Variants in CFAP251 observed in about 807,000 individuals in gnomAD.
CFAP251 encodes the protein cilia and flagella associated protein 251.
In CFAP251, 93 loss-of-function variants were observed where a neutral mutation model predicts 126.7. The observed-to-expected ratio is 0.73, with a 90% confidence interval of 0.62 to 0.87. The LOEUF is 0.87. Ranked by LOEUF, CFAP251 falls within the 40% of genes least tolerant of loss-of-function variation. The pLI, the probability that CFAP251 is intolerant of heterozygous loss-of-function variation, is 0.00. For synonymous variants in CFAP251, 503 were observed against 506.9 expected, an observed-to-expected ratio of 0.99 and a Z score of 0.10; for missense variants, 1,287 against 1,389.2, an observed-to-expected ratio of 0.93 and a Z score of 1.17.
intron 7 of CFAP251, among the ~76,000 whole-genome samples, chr12:121,944,109 T>C (rs1881229370): frequency 6.6e-6 from 1 of 152,220 alleles, no homozygotes; most frequent in South Asian, 2.1e-4. Flanking sequence ...CACTGCTCCC[T>C]GCTTTTGTGA....
At chr12:121,928,840 G>C (rs920608146) in intron 3 of CFAP251, among the ~76,000 whole-genome samples, 1 of 151,448 alleles carries the variant, frequency 6.6e-6, no homozygotes, top group African/African-American at 2.4e-5. Flanking sequence ...GGGATTACAG[G>C]TGCACACCAC....
At chr12:121,965,065 C>T (rs542224302) in intron 15 of CFAP251, among the ~76,000 whole-genome samples, 2 of 152,194 alleles carry the variant, frequency 1.3e-5, no homozygotes, top group Admixed American at 6.5e-5. Context: ...AAGAAAGCCT[C>T]ATAACCATGG....
intron 17 of CFAP251, chr12:121,969,194 A>G (rs900047080): frequency 7.1e-5 from 70 of 985,210 alleles, no homozygotes; most frequent in Non-Finnish European, 7.2e-5. Context: ...CTTTCTTTTT[A>G]TGGCAGATAT....
chr12:121,949,104 T>C (rs764624765), intron 8 of CFAP251, 43 bp downstream of exon 8: 2 of 1,297,938 alleles, frequency 1.5e-6, no homozygotes, highest in African/African-American at 3.0e-5. Context: ...TGGGTAGAAG[T>C]ATGTGTTCAT....
rs1343484866 is a variant in CFAP251, at chr12:121,982,025, C to A, written c.3006+6340C>A. ...ATATTTTTGTCTTTGTCATGATATCCCCATCTGTGGATCCGTGATTCCAGA... is the reference window on the plus strand; with the variant it reads ...ATATTTTTGTCTTTGTCATGATATCACCATCTGTGGATCCGTGATTCCAGA... On this transcript the variant is annotated intron_variant, in intron 19 of 21. Coordinates refer to ENST00000288912, the MANE Select transcript of CFAP251 (RefSeq NM_144668.6). Among the ~76,000 whole-genome samples, 3 of 152,158 alleles carry A rather than the reference C, an allele frequency of 2.0e-5. No homozygotes were observed. The East Asian group carries it at 5.8e-4, about 29-fold the overall frequency.
rs1880653389 is a variant in CFAP251 at position 121,930,788 on chromosome 12, A to G, written c.748-958A>G. Reference sequence around the variant, plus strand: ...TTTTGAGATGGAGTATCACTCTGTCATCCAGGCTGGAGTGCAGTGGCACGA... The same window carrying G: ...TTTTGAGATGGAGTATCACTCTGTCGTCCAGGCTGGAGTGCAGTGGCACGA... On this transcript the variant is annotated intron_variant, in intron 3 of 21. Transcript: ENST00000288912. Among the ~76,000 whole-genome samples the G allele has an allele frequency of 3.6e-5, 5 of 138,740 alleles. No homozygotes were observed. The Admixed American group carries it at 4.0e-4, about 11-fold the overall frequency. 91.0% of individuals were successfully genotyped at this position (138,740 alleles called of 152,430 possible).
intron 19 of CFAP251, among the ~76,000 whole-genome samples, chr12:121,994,029 G>A (rs1410232532): frequency 1.0e-5 from 1 of 97,938 alleles, no homozygotes; most frequent in Non-Finnish European, 2.4e-5. Context: ...GGTGGGGGGG[G>A]GGTCAGCCCC....
chr12:121,954,068 C>T, intron 9 of CFAP251, 52 bp from the exon 10 acceptor site: 1 of 1,460,930 alleles, frequency 6.8e-7, no homozygotes, highest in Non-Finnish European at 9.5e-7. Context: ...TTGATAAATG[C>T]TTTGTTTTAT....
chr12:121,969,989 A>G (rs999734802), intron 17 of CFAP251: 1 of 981,570 alleles, frequency 1.0e-6, no homozygotes, highest in African/African-American at 1.7e-5. Context: ...GTGACTTAAT[A>G]TGATCAGCAC....
At chr12:121,939,520 A>T (rs1881027569) in intron 5 of CFAP251, among the ~76,000 whole-genome samples, 1 of 151,904 alleles carries the variant, frequency 6.6e-6, no homozygotes, top group South Asian at 2.1e-4. Context: ...CTGCCCCGTT[A>T]TGATGTGGAG....
chr12:121,963,947 A>G (rs1882035453), intron 15 of CFAP251, among the ~76,000 whole-genome samples: 1 of 151,944 alleles, frequency 6.6e-6, no homozygotes, highest in Non-Finnish European at 1.5e-5. Context: ...TATGGCTGGA[A>G]AGAAGGATGG....
chr12:121,940,657 A>G (rs1050757940), intron 5 of CFAP251, among the ~76,000 whole-genome samples: 9 of 152,112 alleles, frequency 5.9e-5, no homozygotes, highest in African/African-American at 1.7e-4. Context: ...TACAGCTTCC[A>G]TCTTCGCTTC....
chr12:121,926,918 T>C (rs114421832), intron 3 of CFAP251, among the ~76,000 whole-genome samples: 5,539 of 152,270 alleles, frequency 0.036, 322 homozygotes, highest in African/African-American at 0.13. Flanking sequence ...CACTTCAGCC[T>C]GGGTAATAGA....
At chr12:121,964,946 A>G (rs184608509) in intron 15 of CFAP251, among the ~76,000 whole-genome samples, 40 of 152,286 alleles carry the variant, frequency 2.6e-4, no homozygotes, top group South Asian at 4.1e-4. Context: ...GAACAGTTCC[A>G]TGGCATTTAG....
At chr12:121,954,653 A>AAAAAAAC (rs1444287141) in intron 10 of CFAP251, among the ~76,000 whole-genome samples, 2 of 149,236 alleles carry the variant, frequency 1.3e-5, no homozygotes, top group Non-Finnish European at 3.0e-5. Flanking sequence ...AAAAAAAAAA[A>AAAAAAAC]AAAAAAAAAA....
chr12:121,989,458 G>A lies in CFAP251; in HGVS notation c.3007-10258G>A, dbSNP rs774329956. Reference sequence around the variant, plus strand: ...GCCATCCAGATCTAGTTCCTGGAGGGAGGTATGGAGCAGTTGGGGTCACAG... The same window carrying A: ...GCCATCCAGATCTAGTTCCTGGAGGAAGGTATGGAGCAGTTGGGGTCACAG... On this transcript the variant is annotated intron_variant, in intron 19 of 21. Coordinates refer to ENST00000288912, the MANE Select transcript of CFAP251 (RefSeq NM_144668.6). The surrounding 1 kb of genome is among the most constrained non-coding windows in gnomAD (Gnocchi z 4.2). 9.8e-5 allele frequency among the ~76,000 whole-genome samples: 15 copies of A among 152,356 alleles called. No individual in the cohort carries two copies. In the South Asian group the frequency reaches 2.7e-3, roughly 27 times the overall value.
intron 8 of CFAP251, chr12:121,950,881 A>G (rs934493911): frequency 2.0e-5 from 3 of 151,850 alleles, no homozygotes; most frequent in Non-Finnish European, 4.4e-5. Context: ...CATAGTACTT[A>G]ATGCAAATTC....
chr12:121,990,611 C>G (rs1328517225), intron 19 of CFAP251, among the ~76,000 whole-genome samples: 2 of 152,218 alleles, frequency 1.3e-5, no homozygotes, highest in Non-Finnish European at 2.9e-5. Flanking sequence ...CGAAGCCCAC[C>G]TGGCTGAGAG....
chr12:121,976,214 G>T (rs1195298088), intron 19 of CFAP251, among the ~76,000 whole-genome samples: 1 of 151,904 alleles, frequency 6.6e-6, no homozygotes, highest in Non-Finnish European at 1.5e-5. Flanking sequence ...TCACGATGTT[G>T]GTCAGACTGG....
Sources: allele counts gnomAD v4.1 joint callset (sites outside exome capture counted in the v4.1 genomes callset), GRCh38; gene constraint gnomAD v4.1.1; non-coding constraint Gnocchi (gnomAD v3.1); transcripts MANE v1.5; gene names NCBI Gene and HGNC (gene_info 2026-07-23, HGNC 2026-07-21).